Variants in CNPY2 observed in about 807,000 individuals in gnomAD.
CNPY2 encodes protein canopy homolog 2.
CNPY2 carries 19 observed loss-of-function variants against 25.5 expected under a neutral mutation model. The observed-to-expected ratio is 0.74, with a 90% CI of 0.52 to 1.09. CNPY2 has a LOEUF of 1.09. Among genes scored for constraint, CNPY2 ranks in the 50% least tolerant of loss-of-function variants. The pLI, the probability that CNPY2 is intolerant of heterozygous loss-of-function variation, is 0.00. For missense variants in CNPY2, 214 were observed against 233.6 expected (o/e 0.92, Z 0.55); for synonymous variants, 82 against 85.0 (o/e 0.96, Z 0.19).
At position 56,312,173 on chromosome 12, in the gene CNPY2, C is replaced by T. The variant is rs147817025; in HGVS notation, c.205-759G>A. 7.2e-3 allele frequency among the ~76,000 whole-genome samples: 1,082 copies of T among 151,044 alleles called. 21 individuals carry two copies. Among genetic ancestry groups the T allele is most frequent in the African/African-American group, 0.025 (1,030 of 41,056 alleles). On this transcript the variant is annotated intron_variant, in intron 3 of 5. Coordinates refer to ENST00000273308, the MANE Select transcript of CNPY2 (RefSeq NM_014255.7). ...GATTACAGGCATGAGCCACCGCGCC[C>T]GGCCTGGTTTTAAATTAATATGGTT...
rs1425815449 is a variant in CNPY2 at position 56,310,988 on chromosome 12, C to T, written c.475G>A (p.Val159Ile). The T allele has an allele frequency of 6.2e-7, 1 of 1,614,166 alleles. No individual in the cohort carries two copies. The highest frequency in any genetic ancestry group is 2.2e-5 in the East Asian group (1 of 44,890). Residue 159 changes from valine to isoleucine, a missense_variant, in exon 5 of 6, where the codon GTT (valine) becomes ATT (isoleucine). Transcript: ENST00000273308. ...IEFFSREADN[V>I]KDKLCSKRTD... ...CGCTTACTGCAAAGTTTGTCTTTAA[C>T]ATTGTCAGCCTCTCGGGAAAAGAAT...
rs770078557 is a variant in CNPY2, at chr12:56,310,267, A to C, written c.*285T>G. The C allele has an allele frequency of 3.2e-5, 19 of 596,906 alleles. No homozygotes were observed. The highest frequency in any genetic ancestry group is 4.7e-5 in the Non-Finnish European group (16 of 336,948). The allele number at this position is 596,906 out of a possible 1,614,324, so 37.0% of individuals were successfully genotyped here. On this transcript the variant is annotated 3_prime_UTR_variant, in exon 6 of 6. Coordinates refer to ENST00000273308, the MANE Select transcript of CNPY2 (RefSeq NM_014255.7). The stretch of plus-strand genomic sequence containing the variant: ...CTTATCTAGTTTATGAGTGGAGTGG[A>C]ATCTCAGAAGGTAGAAGAATTAAAG...
At chr12:56,315,051 C>A (rs894060224) in intron 2 of CNPY2, 79 bp downstream of exon 2, 2 of 1,597,322 alleles carry the variant, frequency 1.3e-6, no homozygotes, top group African/African-American at 2.7e-5. Context: ...GATTTCCATT[C>A]ATCCTTCTCC....
At chr12:56,311,753 T>C in intron 3 of CNPY2, 1 of 357,890 alleles carries the variant, frequency 2.8e-6, no homozygotes, top group African/African-American at 2.1e-5. Context: ...GGTTTCTCTG[T>C]GTTGGTCGGG....
Position 56,314,339 on chromosome 12 carries a change from T to A in CNPY2, c.204+512A>T, listed in dbSNP as rs913975352. 12 of 697,000 alleles carry A rather than the reference T, an allele frequency of 1.7e-5. No individual in the cohort carries two copies. The African/African-American group carries it at 1.9e-4, about 11-fold the overall frequency. The allele number at this position is 697,000 out of a possible 1,614,324, so 43.2% of individuals were successfully genotyped here. A position where few individuals can be genotyped will look rare whatever the true frequency, so the allele number is the denominator to read the frequency against. On this transcript the variant is annotated intron_variant, in intron 3 of 5. Coordinates refer to ENST00000273308, the MANE Select transcript of CNPY2 (RefSeq NM_014255.7). ...GCACATGCCACCATGCACTGCTAAC[T>A]TTTGCATTTTTTTGTAGAGTTGGTG... is the stretch of plus-strand genomic sequence containing the variant.
At position 56,311,229 on chromosome 12, in the gene CNPY2, G is replaced by A. The variant is rs540443443; in HGVS notation, c.390C>T (p.Ser130=). The A allele has an allele frequency of 2.2e-5, 35 of 1,613,934 alleles. No individual in the cohort carries two copies. In the South Asian group the frequency reaches 2.9e-4, roughly 13 times the overall value. The part of the protein sequence containing the change: ...LQGIRIDSDI[S]GTLKFACESI... Reference sequence around the variant, plus strand: ...AGCTCACCGCAAACTTGAGGGTGCCGCTAATATCTGAGTCGATTCGGATGC... The same window carrying A: ...AGCTCACCGCAAACTTGAGGGTGCCACTAATATCTGAGTCGATTCGGATGC... The change falls in exon 4 of 6, where the codon AGC becomes AGT. Residue 130 remains serine (S), a synonymous_variant. Coordinates refer to ENST00000273308, the MANE Select transcript of CNPY2 (RefSeq NM_014255.7).
Position 56,310,401 on chromosome 12 carries a change from A to G in CNPY2, c.*151T>C, listed in dbSNP as rs907571533. 1 of 729,474 alleles carries G rather than the reference A, an allele frequency of 1.4e-6. No individual in the cohort carries two copies. The highest frequency in any genetic ancestry group is 2.3e-5 in the Admixed American group (1 of 42,946). 45.2% of individuals were successfully genotyped at this position (729,474 alleles called of 1,614,324 possible). A position where few individuals can be genotyped will look rare whatever the true frequency, so the allele number is the denominator to read the frequency against. ...TTATCTTCAAGCTTAATGTAAGGGC[A>G]ATTCCAGGCATGAAAAGACAACACA... On this transcript the variant is annotated 3_prime_UTR_variant, in exon 6 of 6. Coordinates refer to ENST00000273308, the MANE Select transcript of CNPY2 (RefSeq NM_014255.7).
At chr12:56,314,826 T>A in intron 3 of CNPY2, 25 bp downstream of exon 3, 1 of 1,614,238 alleles carries the variant, frequency 6.2e-7, no homozygotes, top group Non-Finnish European at 8.5e-7. Flanking sequence ...TGAGCTACTT[T>A]GTTTGGGGGA....
At chr12:56,315,305 C>A (rs1166741929) in intron 1 of CNPY2, 63 bp from the exon 2 acceptor site, 2 of 911,938 alleles carry the variant, frequency 2.2e-6, no homozygotes, top group South Asian at 3.1e-5. Context: ...CCTGACCCCC[C>A]CAATCCTCAC....
At chr12:56,312,113 A>C (rs796476) in intron 3 of CNPY2, among the ~76,000 whole-genome samples, 124,626 of 151,800 alleles carry the variant, frequency 0.82, 54,694 homozygotes, top group East Asian at 1. Flanking sequence ...CTCCTGACCT[A>C]GTGATCCGCC....
intron 3 of CNPY2, among the ~76,000 whole-genome samples, chr12:56,314,120 C>T (rs893790008): frequency 2.0e-5 from 3 of 152,004 alleles, no homozygotes; most frequent in Non-Finnish European, 4.4e-5. Flanking sequence ...CCAGGCTGGT[C>T]TCGAACTTCT....
chr12:56,314,328 G>T, intron 3 of CNPY2: 2 of 486,992 alleles, frequency 4.1e-6, no homozygotes, highest in Non-Finnish European at 5.3e-6. Context: ...ATGCCACCAT[G>T]CACTGCTAAC....
At chr12:56,311,761 G>A (rs958624433) in intron 3 of CNPY2, 17 of 349,816 alleles carry the variant, frequency 4.9e-5, no homozygotes, top group Admixed American at 1.6e-4. Flanking sequence ...TGTGTTGGTC[G>A]GGCTGGTCTC....
At chr12:56,311,741 G>C in intron 3 of CNPY2, 1 of 363,924 alleles carries the variant, frequency 2.7e-6, no homozygotes, top group South Asian at 2.2e-5. Context: ...TAGTAGAGAT[G>C]GGGTTTCTCT....
At position 56,310,427 on chromosome 12, in the gene CNPY2, G is replaced by T; in HGVS notation, c.*125C>A. 3.2e-6 allele frequency: 3 copies of T among 932,138 alleles called. No individual in the cohort carries two copies. Among genetic ancestry groups the T allele is most frequent in the African/African-American group, 1.6e-5 (1 of 60,864 alleles). The allele number at this position is 932,138 out of a possible 1,614,324, so 57.7% of individuals were successfully genotyped here. ...ATTCCAGGCATGAAAAGACAACACA[G>T]TTTGTACTTTTGGTTTCATATTTTT... On this transcript the variant is annotated 3_prime_UTR_variant, in exon 6 of 6. Coordinates refer to ENST00000273308, the MANE Select transcript of CNPY2 (RefSeq NM_014255.7).
chr12:56,310,041 G>A lies in CNPY2; in HGVS notation c.*511C>T, dbSNP rs1210820455. 1.4e-6 allele frequency: 1 copy of A among 699,406 alleles called. No individual in the cohort carries two copies. Among genetic ancestry groups the A allele is most frequent in the South Asian group, 1.5e-5 (1 of 67,142 alleles). 43.3% of individuals were successfully genotyped at this position (699,406 alleles called of 1,614,324 possible). ...GCTGGTCCCTCCATCTGGATGGGCA[G>A]GGAAGGAAGAATAATGCATATCCGT... On this transcript the variant is annotated 3_prime_UTR_variant, in exon 6 of 6. Coordinates refer to ENST00000273308, the MANE Select transcript of CNPY2 (RefSeq NM_014255.7).
intron 3 of CNPY2, chr12:56,312,359 C>G (rs1873746347): frequency 6.7e-6 from 1 of 150,024 alleles, no homozygotes; most frequent in South Asian, 2.1e-4. Context: ...CAGCCTCACA[C>G]AGATGCACAC....
chr12:56,313,827 C>T (rs1458196744), intron 3 of CNPY2, among the ~76,000 whole-genome samples: 2 of 150,700 alleles, frequency 1.3e-5, no homozygotes, highest in East Asian at 3.9e-4. Flanking sequence ...AGGATGGTTT[C>T]GATCTCCTGA....
At chr12:56,312,577 CT>C (rs1049251630) in intron 3 of CNPY2, 347 of 134,008 alleles carry the variant, frequency 2.6e-3, no homozygotes, top group Non-Finnish European at 3.6e-3. Flanking sequence ...TTTTTTTTTT[CT>C]TTTTTTTTTT....
Sources: gnomAD v4.1 joint callset for allele counts (sites outside exome capture counted in the v4.1 genomes callset) on GRCh38, gnomAD v4.1.1 for gene constraint, MANE v1.5 for transcripts, NCBI Gene and HGNC (gene_info 2026-07-23, HGNC 2026-07-21) for gene names.